The following PLPPR5 variants were observed in gnomAD, a reference collection of about 807,000 sequenced individuals.
PLPPR5 encodes the protein phospholipid phosphatase related 5, also known as phospholipid phosphatase-related protein type 5.
A neutral mutation model predicts 33.9 loss-of-function variants in PLPPR5; 16 were observed. The ratio of observed to expected loss-of-function variants is 0.47; its 90% CI spans 0.32 to 0.72. The LOEUF (loss-of-function observed/expected upper bound fraction) is 0.72. Among genes scored for constraint, PLPPR5 ranks in the 30% least tolerant of loss-of-function variants. PLPPR5 has a pLI of 0.03. For synonymous variants in PLPPR5, 163 were observed against 150.3 expected (o/e 1.08, Z -0.62); for missense variants, 301 against 406.7 (o/e 0.74, Z 2.23).
chr1:98,910,199 G>C (rs958941486), intron 5 of PLPPR5, among the ~76,000 whole-genome samples: 1 of 152,102 alleles, frequency 6.6e-6, no homozygotes, highest in Non-Finnish European at 1.5e-5. Context: ...GCTAACTCTT[G>C]GCCATACTTG....
intron 3 of PLPPR5, among the ~76,000 whole-genome samples, chr1:98,948,132 T>C (rs528597314): frequency 3.9e-5 from 6 of 152,322 alleles, no homozygotes; most frequent in African/African-American, 1.4e-4. Flanking sequence ...TAAACGGACA[T>C]GCACTCCCTG....
intron 4 of PLPPR5, among the ~76,000 whole-genome samples, chr1:98,921,515 TTTAAGGATTTA>T (rs1649552195): frequency 6.6e-6 from 1 of 152,224 alleles, no homozygotes; most frequent in Admixed American, 6.5e-5. Flanking sequence ...TATAACATTT[TTTAAGGATTTA>T]TATAAAGTTT....
intron 5 of PLPPR5, among the ~76,000 whole-genome samples, chr1:98,897,315 G>C (rs1648517230): frequency 6.6e-6 from 1 of 152,178 alleles, no homozygotes; most frequent in East Asian, 1.9e-4. Flanking sequence ...TGAAGAGCCT[G>C]GCAAGACAGT....
chr1:99,003,050 A>G (rs1346888459), intron 1 of PLPPR5, among the ~76,000 whole-genome samples: 1 of 98,230 alleles, frequency 1.0e-5, no homozygotes, highest in Non-Finnish European at 2.0e-5. Context: ...TTAGCAACTT[A>G]TTTTACATAT....
At chr1:98,986,333 G>A (rs942484151) in intron 1 of PLPPR5, among the ~76,000 whole-genome samples, 6 of 151,708 alleles carry the variant, frequency 4.0e-5, no homozygotes, top group African/African-American at 1.2e-4. Flanking sequence ...ATTATAAAAT[G>A]TACTAACATT....
intron 1 of PLPPR5, among the ~76,000 whole-genome samples, chr1:98,962,499 T>C (rs943473782): frequency 3.9e-5 from 6 of 152,238 alleles, no homozygotes; most frequent in African/African-American, 1.4e-4. Context: ...CTTTTATCAC[T>C]ACCTCCATTT....
At chr1:98,920,102 T>C (rs893600384) in intron 4 of PLPPR5, among the ~76,000 whole-genome samples, 3 of 152,100 alleles carry the variant, frequency 2.0e-5, no homozygotes, top group East Asian at 1.9e-4. Context: ...ACCTGTGCAA[T>C]TGGAGGGTCT....
rs1224515992 is a variant in PLPPR5 at position 98,921,895 on chromosome 1, A to G, written c.785T>C (p.Ile262Thr). The part of the protein sequence containing the change: ...VIAGFLVGIS[I>T]AVFLVVCVVN... ...ATTTGTACTTACCAGAAATACTGCT[A>G]TAGATATTCCAACCAGAAAGCCTGC... Residue 262 changes from isoleucine to threonine, a missense_variant, in exon 4 of 6, where the codon ATA becomes ACA. By Grantham distance (89) the Ile-to-Thr change is moderately conservative. Coordinates refer to ENST00000263177, the MANE Select transcript of PLPPR5 (RefSeq NM_001037317.2). The G allele has an allele frequency of 1.9e-6, 3 of 1,612,938 alleles. No homozygotes were observed. Among genetic ancestry groups the G allele is most frequent in the Non-Finnish European group, 1.7e-6 (2 of 1,179,586 alleles).
chr1:98,969,724 T>A (rs1651589995), intron 1 of PLPPR5, among the ~76,000 whole-genome samples: 1 of 105,208 alleles, frequency 9.5e-6, no homozygotes, highest in South Asian at 2.6e-4. Flanking sequence ...CTACCTCTTT[T>A]TCTCCTTCCT....
intron 2 of PLPPR5, among the ~76,000 whole-genome samples, chr1:98,955,567 T>C (rs910498217): frequency 2.6e-5 from 4 of 152,096 alleles, no homozygotes; most frequent in African/African-American, 9.6e-5. Flanking sequence ...CATAACTTGA[T>C]GTCAGTAAAA....
intron 3 of PLPPR5, among the ~76,000 whole-genome samples, chr1:98,944,463 A>G (rs1475945976): frequency 6.6e-6 from 1 of 152,224 alleles, no homozygotes; most frequent in Admixed American, 6.5e-5. Flanking sequence ...GTCAGAGCCC[A>G]TAGAGCTAGC....
At chr1:98,920,723 A>G (rs1649520115) in intron 4 of PLPPR5, among the ~76,000 whole-genome samples, 1 of 151,884 alleles carries the variant, frequency 6.6e-6, no homozygotes, top group Non-Finnish European at 1.5e-5. Context: ...AGCTGGAAAG[A>G]TTCACTGAAG....
chr1:99,003,479 T>C (rs1018502559), intron 1 of PLPPR5, among the ~76,000 whole-genome samples: 2 of 152,084 alleles, frequency 1.3e-5, no homozygotes, highest in African/African-American at 2.4e-5. Context: ...TCCAATACTT[T>C]GTCAATATTA....
At chr1:98,974,189 G>A (rs1651764311) in intron 1 of PLPPR5, among the ~76,000 whole-genome samples, 1 of 151,982 alleles carries the variant, frequency 6.6e-6, no homozygotes, top group African/African-American at 2.4e-5. Context: ...AGCAAGTAGA[G>A]AAGAAAATTA....
intron 3 of PLPPR5, among the ~76,000 whole-genome samples, chr1:98,947,340 CCATTATAAAGCCA>C (rs1386537780): frequency 4.6e-5 from 7 of 152,088 alleles, no homozygotes; most frequent in Admixed American, 4.6e-4. Flanking sequence ...AACCAGAAAA[CCATTATAAAGCCA>C]CATGTCAATC....
rs546674412 is a variant in PLPPR5, at chr1:98,932,834, G to A, written c.622-10776C>T. On this transcript the variant is annotated intron_variant, in intron 3 of 5. Transcript: ENST00000263177. ...TCAGTACATTAGGGCTATGATGTTA[G>A]GTGGGTGATGACTTATCCTCATTGA... Among the ~76,000 whole-genome samples, 7 of 152,264 alleles carry A rather than the reference G, an allele frequency of 4.6e-5. No homozygotes were observed. In the South Asian group the frequency reaches 1.2e-3, roughly 27 times the overall value.
chr1:98,895,653 A>G (rs1035285502), intron 5 of PLPPR5, among the ~76,000 whole-genome samples: 4 of 152,098 alleles, frequency 2.6e-5, no homozygotes, highest in Non-Finnish European at 4.4e-5. Context: ...TAGATTGACT[A>G]TATTTTTAGA....
At chr1:98,989,258 G>A (rs1164943078) in intron 1 of PLPPR5, among the ~76,000 whole-genome samples, 2 of 152,038 alleles carry the variant, frequency 1.3e-5, no homozygotes, top group East Asian at 3.9e-4. Context: ...GGGGACCCTG[G>A]CTAAGAAACA....
chr1:98,937,617 C>T (rs1396001570), intron 3 of PLPPR5, among the ~76,000 whole-genome samples: 1 of 152,160 alleles, frequency 6.6e-6, no homozygotes, highest in East Asian at 1.9e-4. Flanking sequence ...AGCCCAGGTG[C>T]AGTAAGGTGA....
Sources: allele counts gnomAD v4.1 joint callset (sites outside exome capture counted in the v4.1 genomes callset), GRCh38; gene constraint gnomAD v4.1.1; transcripts MANE v1.5; gene names NCBI Gene and HGNC (gene_info 2026-07-23, HGNC 2026-07-21).